Variants in DNAJC17 observed in about 807,000 individuals in gnomAD.
DNAJC17 encodes the protein dnaJ homolog subfamily C member 17.
DNAJC17 carries 35 observed loss-of-function variants against 48.1 expected under a neutral mutation model. The observed-to-expected ratio is 0.73, with a 90% CI of 0.56 to 0.96. The LOEUF (loss-of-function observed/expected upper bound fraction) is 0.96. DNAJC17 is among the 50% of genes least tolerant of loss of function. The probability of loss-of-function intolerance (pLI) is 0.00; values close to 1 mark genes in which losing one functional copy is unlikely to be tolerated. For synonymous variants in DNAJC17, 117 were observed against 142.7 expected (o/e 0.82, Z 1.28); for missense variants, 355 against 377.1 (o/e 0.94, Z 0.48).
At position 40,767,959 on chromosome 15, in the gene DNAJC17, T is replaced by TG. The variant is rs1261861751; in HGVS notation, c.895dup (p.Gln299ProfsTer71). ...CTGGGGCTACGTAGGCGGCCCCTCC[T>TG]GGTCTTCCTGCTGCATCCGTGCGAT... On this transcript the variant is annotated frameshift_variant, in exon 11 of 11. Coordinates refer to ENST00000220496, the MANE Select transcript of DNAJC17 (RefSeq NM_018163.3). LOFTEE classifies it high-confidence loss of function. The TG allele has an allele frequency of 3.1e-6, 5 of 1,612,872 alleles. No homozygotes were observed. In the African/African-American group the frequency reaches 5.3e-5, roughly 17 times the overall value.
In DNAJC17 at chr15:40,770,426, A is replaced by T; in HGVS notation, c.793-2364T>A. ...GGAGCCTCCCCAGCTGCTGGCACTC[A>T]CTGCCCCAGCAGGGACCACATGCAC... is the stretch of plus-strand genomic sequence containing the variant. On this transcript the variant is annotated intron_variant, in intron 10 of 10. Transcript: ENST00000220496. This position sits in a 1 kb window ranked among gnomAD's most constrained non-coding sequence, Gnocchi z 5.0. 1 of 1,438,270 alleles carries T rather than the reference A, an allele frequency of 7.0e-7. No homozygotes were observed. The highest frequency in any genetic ancestry group is 1.4e-5 in the South Asian group (1 of 70,594). The allele number at this position is 1,438,270 out of a possible 1,614,324, so 89.1% of individuals were successfully genotyped here.
chr15:40,791,406 T>TATAC, intron 1 of DNAJC17, among the ~76,000 whole-genome samples: 1 of 152,058 alleles, frequency 6.6e-6, no homozygotes, highest in East Asian at 1.9e-4. Flanking sequence ...CGTGTGCCTG[T>TATAC]AGACCCAGCT....
chr15:40,774,284 G>C, intron 9 of DNAJC17, 72 bp downstream of exon 9: 1 of 1,528,328 alleles, frequency 6.5e-7, no homozygotes, highest in East Asian at 2.3e-5. Context: ...AACTCAGAGG[G>C]CCCACAGAAT....
Position 40,767,843 on chromosome 15 carries a change from T to A in DNAJC17, c.*97A>T. 1 of 1,534,150 alleles carries A rather than the reference T, an allele frequency of 6.5e-7. No homozygotes were observed. The highest frequency in any genetic ancestry group is 1.2e-5 in the South Asian group (1 of 80,102). On this transcript the variant is annotated 3_prime_UTR_variant, in exon 11 of 11. Transcript: ENST00000220496. ...CTCTGCGGCAGAGCCCAGCACCTTA[T>A]ACCTATGTATGGGATAGAGGTAAAA...
intron 7 of DNAJC17, 90 bp downstream of exon 7, chr15:40,775,463 C>G: frequency 6.8e-7 from 1 of 1,461,614 alleles, no homozygotes; most frequent in Admixed American, 1.7e-5. Flanking sequence ...GCAGCCCCAC[C>G]AGAAACCCTC....
intron 10 of DNAJC17, chr15:40,771,104 A>C: frequency 3.0e-6 from 4 of 1,335,740 alleles, no homozygotes; most frequent in Non-Finnish European, 4.1e-6. Flanking sequence ...ACAGGACTCC[A>C]GGCCCATCGC....
At chr15:40,799,035 C>T (rs991382358) in intron 1 of DNAJC17, among the ~76,000 whole-genome samples, 14 of 151,766 alleles carry the variant, frequency 9.2e-5, no homozygotes, top group Admixed American at 1.3e-4. Context: ...CTGGCTAACA[C>T]GGTGAAACCC....
chr15:40,791,818 C>T (rs780911207), intron 1 of DNAJC17, among the ~76,000 whole-genome samples: 3 of 152,184 alleles, frequency 2.0e-5, no homozygotes, highest in Non-Finnish European at 4.4e-5. Flanking sequence ...GCACTCCAGC[C>T]TGGGCAACAA....
At chr15:40,779,883 G>A (rs372617223) in intron 2 of DNAJC17, 45 bp downstream of exon 2, 37 of 1,585,394 alleles carry the variant, frequency 2.3e-5, no homozygotes, top group South Asian at 3.4e-5. Context: ...CACAATGCCC[G>A]GGTGAGTGGG....
At chr15:40,789,997 A>T (rs1889754286) in intron 1 of DNAJC17, among the ~76,000 whole-genome samples, 1 of 151,912 alleles carries the variant, frequency 6.6e-6, no homozygotes, top group South Asian at 2.1e-4. Flanking sequence ...AACAGCAAAA[A>T]TAGGGAAAGC....
In DNAJC17 at chr15:40,804,528, C is replaced by T. The variant is rs555371742; in HGVS notation, c.78+2841G>A. Among the ~76,000 whole-genome samples the T allele has an allele frequency of 7.0e-4, 106 of 152,092 alleles. 1 individual carries two copies. Among genetic ancestry groups the T allele is most frequent in the Middle Eastern group, 3.4e-3 (1 of 294 alleles). ...GTGGGATCACTTGAGCCCAGGAAGT[C>T]GAGGCTGCAGTGAGCTGTGATTGTG... On this transcript the variant is annotated intron_variant, in intron 1 of 10. Coordinates refer to ENST00000220496, the MANE Select transcript of DNAJC17 (RefSeq NM_018163.3).
chr15:40,765,773 C>A lies in DNAJC17; in HGVS notation c.*2167G>T. ...GGCAGGGGAGGAAGGACAGGCAAGA[C>A]CTTCCACCTCCTCCTGGCAGCCAGC... On this transcript the variant is annotated 3_prime_UTR_variant, in exon 11 of 11. Coordinates refer to ENST00000220496, the MANE Select transcript of DNAJC17 (RefSeq NM_018163.3). 2.3e-6 allele frequency: 2 copies of A among 874,508 alleles called. No homozygotes were observed. The highest frequency in any genetic ancestry group is 1.8e-6 in the Non-Finnish European group (1 of 558,212). 54.2% of individuals were successfully genotyped at this position (874,508 alleles called of 1,614,324 possible).
intron 1 of DNAJC17, among the ~76,000 whole-genome samples, chr15:40,798,517 A>G (rs1889995513): frequency 6.6e-6 from 1 of 152,222 alleles, no homozygotes; most frequent in East Asian, 1.9e-4. Flanking sequence ...TTTGCGTTAA[A>G]TACATTATTT....
intron 1 of DNAJC17, among the ~76,000 whole-genome samples, chr15:40,804,073 C>T (rs958535197): frequency 1.3e-5 from 2 of 151,970 alleles, no homozygotes; most frequent in African/African-American, 4.8e-5. Flanking sequence ...CTCAAGTGAT[C>T]CTCCCACCTC....
At chr15:40,781,934 T>A (rs917060244) in intron 1 of DNAJC17, among the ~76,000 whole-genome samples, 9 of 150,040 alleles carry the variant, frequency 6.0e-5, no homozygotes, top group African/African-American at 9.8e-5. Flanking sequence ...AAAAAAAAAA[T>A]TTTTTTTTGT....
rs573698366 is a variant in DNAJC17 at position 40,773,714 on chromosome 15, C to A, written c.792+13G>T. ...GACCTGAGCGCCCAGCCGGGCGAGGCCTGACTCCTCACCTTTGACAGTCCT... is the reference window on the plus strand; with the variant it reads ...GACCTGAGCGCCCAGCCGGGCGAGGACTGACTCCTCACCTTTGACAGTCCT... On this transcript the variant is annotated intron_variant, in intron 10 of 10. Coordinates refer to ENST00000220496, the MANE Select transcript of DNAJC17 (RefSeq NM_018163.3). The A allele has an allele frequency of 1.3e-5, 21 of 1,607,580 alleles. No homozygotes were observed. The highest frequency in any genetic ancestry group is 1.7e-5 in the Admixed American group (1 of 59,398).
Position 40,767,189 on chromosome 15 carries a change from T to A in DNAJC17, c.*751A>T. 6.9e-7 allele frequency: 1 copy of A among 1,457,930 alleles called. No individual in the cohort carries two copies. The highest frequency in any genetic ancestry group is 9.1e-7 in the Non-Finnish European group (1 of 1,102,394). 90.3% of individuals were successfully genotyped at this position (1,457,930 alleles called of 1,614,324 possible). On this transcript the variant is annotated 3_prime_UTR_variant, in exon 11 of 11. Coordinates refer to ENST00000220496, the MANE Select transcript of DNAJC17 (RefSeq NM_018163.3). ...AGCTTTGTACCAGGAGCTTGCTGTG[T>A]GCCCCTCCTCACCCCCCCCATCCTG... is the stretch of plus-strand genomic sequence containing the variant.
intron 1 of DNAJC17, among the ~76,000 whole-genome samples, chr15:40,798,684 T>C (rs749698266): frequency 1.3e-5 from 2 of 152,088 alleles, no homozygotes; most frequent in Non-Finnish European, 2.9e-5. Context: ...GAGAAGCCAC[T>C]GGGAGTTGTG....
Position 40,768,077 on chromosome 15 carries a change from AG to A in DNAJC17, c.793-16del. 6.5e-7 allele frequency: 1 copy of A among 1,528,054 alleles called. No individual in the cohort carries two copies. The highest frequency in any genetic ancestry group is 1.3e-5 in the South Asian group (1 of 78,080). The allele number at this position is 1,528,054 out of a possible 1,614,324, so 94.7% of individuals were successfully genotyped here. On this transcript the variant is annotated splice_polypyrimidine_tract_variant and intron_variant, in intron 10 of 10. Transcript: ENST00000220496. ...AGCACTGAGCCCTGTCGGACAGGGC[AG>A]GGACAGGGAGGGGTCAGGGACAGCA...
Sources: gnomAD v4.1 joint callset for allele counts (sites outside exome capture counted in the v4.1 genomes callset) on GRCh38, gnomAD v4.1.1 for gene constraint, Gnocchi (gnomAD v3.1) non-coding constraint, MANE v1.5 for transcripts, NCBI Gene and HGNC (gene_info 2026-07-23, HGNC 2026-07-21) for gene names.